The following AARSD1 variants were observed in gnomAD, a reference collection of about 807,000 sequenced individuals.
AARSD1 encodes the protein alanyl-tRNA synthetase domain containing 1, also known as alanyl-tRNA editing protein Aarsd1.
In AARSD1, 44 loss-of-function variants were observed where a neutral mutation model predicts 48.7. That is an observed-to-expected ratio of 0.90 (90% CI 0.71 to 1.16). The LOEUF (loss-of-function observed/expected upper bound fraction) is 1.16. AARSD1 is among the 50% of genes most tolerant of loss of function. The pLI is 0.00. For synonymous variants in AARSD1, 189 were observed against 194.9 expected, an observed-to-expected ratio of 0.97 and a Z score of 0.25; for missense variants, 511 against 523.1, an observed-to-expected ratio of 0.98 and a Z score of 0.23.
chr17:42,959,744 A>G (rs1411237981), intron 3 of AARSD1, among the ~76,000 whole-genome samples: 1 of 150,422 alleles, frequency 6.6e-6, no homozygotes, highest in East Asian at 2.0e-4. Context: ...GCTCACTGCA[A>G]CCTCCACCTC....
Position 42,951,778 on chromosome 17 carries a change from AAG to A in AARSD1, c.1103+20_1103+21del. ...AGGATACAGGCTCTACTACATGTGC[AAG>A]AGAGTCCACAAAGAATTACCTGGGC... is the stretch of plus-strand genomic sequence containing the variant. On this transcript the variant is annotated intron_variant, in intron 11 of 11. Coordinates refer to ENST00000427569, the MANE Select transcript of AARSD1 (RefSeq NM_001261434.2). The A allele has an allele frequency of 6.2e-7, 1 of 1,613,002 alleles. No homozygotes were observed. The highest frequency in any genetic ancestry group is 8.5e-7 in the Non-Finnish European group (1 of 1,179,044).
intron 10 of AARSD1, 36 bp from the exon 11 acceptor site, chr17:42,951,930 G>A (rs2049484935): frequency 1.2e-6 from 2 of 1,607,122 alleles, no homozygotes; most frequent in Non-Finnish European, 1.7e-6. Context: ...CTCTGATACT[G>A]AAGGATGTAG....
intron 2 of AARSD1, among the ~76,000 whole-genome samples, 190 bp downstream of exon 2, chr17:42,963,916 C>T (rs1597719819): frequency 6.6e-6 from 1 of 152,116 alleles, no homozygotes; most frequent in Admixed American, 6.5e-5. Context: ...TCCTTACAGC[C>T]TGGAATAATA....
In AARSD1 at chr17:42,955,902, C is replaced by T. The variant is rs1289911184; in HGVS notation, c.734G>A (p.Arg245Gln). The T allele has an allele frequency of 3.1e-6, 5 of 1,614,110 alleles. No homozygotes were observed. The highest frequency in any genetic ancestry group is 2.2e-5 in the East Asian group (1 of 44,882). The change falls in exon 7 of 12, where the codon CGG becomes CAG. Residue 245 changes from arginine (R) to glutamine (Q), a missense_variant. Physicochemically the swap from Arg to Gln is conservative, Grantham distance 43. Transcript: ENST00000427569. The stretch of plus-strand genomic sequence containing the variant: ...ACTTCTCTCCATCCACTTCAGCACC[C>T]GGTTCCCAGACAGAAATATCAGGTT... ...RTNLIFLSGNRVLKWMERSHG... is the reference protein window; with the variant it reads ...RTNLIFLSGNQVLKWMERSHG...
chr17:42,964,333 C>T (rs1196211094), intron 1 of AARSD1, 69 bp downstream of exon 1: 2 of 1,587,752 alleles, frequency 1.3e-6, no homozygotes, highest in Non-Finnish European at 8.6e-7. Context: ...ACTCCCTACA[C>T]GTGGCGCCCT....
intron 3 of AARSD1, chr17:42,957,476 CTTT>C (rs1165420812): frequency 1.6e-3 from 135 of 82,906 alleles, no homozygotes; most frequent in South Asian, 8.9e-3. Flanking sequence ...ACTTAACTTC[CTTT>C]TTTTTTTTTT....
At chr17:42,956,613 C>A in intron 4 of AARSD1, 53 bp from the exon 5 acceptor site, 3 of 1,424,966 alleles carry the variant, frequency 2.1e-6, no homozygotes, top group South Asian at 1.4e-5. Context: ...CAAGAAAAAG[C>A]TGAAAGCTTT....
At chr17:42,960,216 C>T (rs527379872) in intron 3 of AARSD1, among the ~76,000 whole-genome samples, 11 of 151,344 alleles carry the variant, frequency 7.3e-5, no homozygotes, top group African/African-American at 2.4e-4. Flanking sequence ...TGCAGTGAGC[C>T]GAGATCATGC....
intron 1 of AARSD1, 35 bp from the exon 2 acceptor site, chr17:42,964,272 C>A: frequency 1.4e-6 from 2 of 1,461,870 alleles, no homozygotes; most frequent in Non-Finnish European, 1.8e-6. Context: ...AAGCCCCGAC[C>A]CCAGCCCTAG....
chr17:42,959,656 C>A (rs2049605364), intron 3 of AARSD1, among the ~76,000 whole-genome samples: 1 of 151,412 alleles, frequency 6.6e-6, no homozygotes, highest in Admixed American at 6.6e-5. Flanking sequence ...CAGTGCCCAG[C>A]CATTTCTCTT....
chr17:42,956,357 G>C (rs563637163), intron 5 of AARSD1, 37 bp from the exon 6 acceptor site: 1 of 1,614,068 alleles, frequency 6.2e-7, no homozygotes, highest in East Asian at 2.2e-5. Flanking sequence ...GTCTGAATCT[G>C]ATGAGGAATC....
intron 3 of AARSD1, 43 bp downstream of exon 3, chr17:42,961,149 A>C (rs2049631076): frequency 1.3e-6 from 2 of 1,574,572 alleles, no homozygotes; most frequent in African/African-American, 2.7e-5. Flanking sequence ...ATCCCCATAC[A>C]TGGCAACTGC....
intron 11 of AARSD1, among the ~76,000 whole-genome samples, 153 bp downstream of exon 11, chr17:42,951,646 CA>C (rs1216648785): frequency 3.3e-5 from 5 of 152,288 alleles, no homozygotes; most frequent in Admixed American, 6.5e-5. Flanking sequence ...CTGGAAATGA[CA>C]GTAGTAATAA....
At chr17:42,962,605 A>C (rs1189934755) in intron 2 of AARSD1, among the ~76,000 whole-genome samples, 1 of 152,248 alleles carries the variant, frequency 6.6e-6, no homozygotes, top group African/African-American at 2.4e-5. Flanking sequence ...ACTTGAGGTC[A>C]CAGGTTTTCC....
chr17:42,950,654 C>T lies in AARSD1; in HGVS notation c.1178G>A (p.Arg393Gln), dbSNP rs142857269. Reference protein sequence around the residue: ...RFQGKATKMSRRMEAQALLQD... With the variant: ...RFQGKATKMSQRMEAQALLQD... ...GAGAAGCGCCTGCGCCTCCATCCGC[C>T]GGCTCATCTTGGTGGCCTTGCCCTG... The change falls in exon 12 of 12, where the codon CGG (arginine) becomes CAG (glutamine). Residue 393 changes from arginine to glutamine, a missense_variant. By Grantham distance (43) the Arg-to-Gln change is conservative (BLOSUM62 1). Transcript: ENST00000427569. 44 of 1,614,028 alleles carry T rather than the reference C, an allele frequency of 2.7e-5. No individual in the cohort carries two copies. The highest frequency in any genetic ancestry group is 2.1e-4 in the African/African-American group (16 of 75,034).
In AARSD1 at chr17:42,964,387, G is replaced by A; in HGVS notation, c.39+15C>T. On this transcript the variant is annotated intron_variant, in intron 1 of 11. Transcript: ENST00000427569. Reference sequence around the variant, plus strand: ...CCGGCCCGGCAGTCTCAAGTGCCTCGCCGTGACGCCGTACCTCTCGGGCAT... The same window carrying A: ...CCGGCCCGGCAGTCTCAAGTGCCTCACCGTGACGCCGTACCTCTCGGGCAT... 6.4e-7 allele frequency: 1 copy of A among 1,553,360 alleles called. No individual in the cohort carries two copies. The highest frequency in any genetic ancestry group is 8.7e-7 in the Non-Finnish European group (1 of 1,148,394).
chr17:42,955,970 G>A lies in AARSD1; in HGVS notation c.666C>T (p.Val222=), dbSNP rs773552044. Residue 222 remains valine, a splice_region_variant and synonymous_variant, in exon 7 of 12, where the codon GTC becomes GTT. Transcript: ENST00000427569. ...CCTTCTCAGTGCCCAGAATCTTAATGACCTACATGAGGCAAGGGGGTAACA... is the reference window on the plus strand; with the variant it reads ...CCTTCTCAGTGCCCAGAATCTTAATAACCTACATGAGGCAAGGGGGTAACA... ...THVSNLSDLQ[V]IKILGTEKGK... is the part of the protein sequence containing the mutation. 1 of 1,614,006 alleles carries A rather than the reference G, an allele frequency of 6.2e-7. No individual in the cohort carries two copies. The highest frequency in any genetic ancestry group is 2.2e-5 in the East Asian group (1 of 44,874).
Position 42,956,245 on chromosome 17 carries a change from T to C in AARSD1, c.622A>G (p.Met208Val). The C allele has an allele frequency of 1.2e-6, 2 of 1,614,136 alleles. No individual in the cohort carries two copies. Among genetic ancestry groups the C allele is most frequent in the Non-Finnish European group, 1.7e-6 (2 of 1,180,034 alleles). ...TTGCTCACATGGGTCCCACAGCACA[T>C]GTTGGAATCAACGCCCTCGATGTTA... ...VVNIEGVDSNMCCGTHVSNLS... is the reference protein window; with the variant it reads ...VVNIEGVDSNVCCGTHVSNLS... The change falls in exon 6 of 12, where the codon ATG (methionine) becomes GTG (valine). Residue 208 changes from methionine (M) to valine (V), a missense_variant. Transcript: ENST00000427569.
rs690941 is a variant in AARSD1, at chr17:42,964,217, G to A, written c.60C>T (p.Ser20=). ...CAGTCTGCAGCTCCGCGGGACAGCAGGAGACCACGGTGGTGGTGAACTGAA... is the reference window on the plus strand; with the variant it reads ...CAGTCTGCAGCTCCGCGGGACAGCAAGAGACCACGGTGGTGGTGAACTGAA... The part of the protein sequence containing the change: ...YAREFTTTVV[S]CCPAELQTEG... Residue 20 remains serine (S), a synonymous_variant, in exon 2 of 12, where the codon TCC becomes TCT. Coordinates refer to ENST00000427569, the MANE Select transcript of AARSD1 (RefSeq NM_001261434.2). The A allele has an allele frequency of 0.99, 1,594,756 of 1,614,130 alleles. 789,626 individuals are homozygous for A. Among genetic ancestry groups the A allele is most frequent in the South Asian group, 1 (91,044 of 91,084 alleles).
Sources: gnomAD v4.1 joint callset for allele counts (sites outside exome capture counted in the v4.1 genomes callset) on GRCh38, gnomAD v4.1.1 for gene constraint, MANE v1.5 for transcripts, NCBI Gene and HGNC (gene_info 2026-07-23, HGNC 2026-07-21) for gene names.